The following ACSL1 variants were observed in gnomAD, a reference collection of about 807,000 sequenced individuals.
The protein encoded by ACSL1 is acyl-CoA synthetase long chain family member 1.
In ACSL1, 41 loss-of-function variants were observed where a neutral mutation model predicts 98.4. That is an observed-to-expected ratio of 0.42 (90% CI 0.32 to 0.54). The LOEUF (loss-of-function observed/expected upper bound fraction) is 0.54, where lower values mean the gene tolerates loss of function less well. Among genes scored for constraint, ACSL1 ranks in the 20% least tolerant of loss-of-function variants. The pLI is 0.13. For synonymous variants in ACSL1, 316 were observed against 322.7 expected, an observed-to-expected ratio of 0.98 and a Z score of 0.22; for missense variants, 734 against 883.1, an observed-to-expected ratio of 0.83 and a Z score of 2.14.
intron 10 of ACSL1, among the ~76,000 whole-genome samples, chr4:184,772,229 T>C (rs1764622198): frequency 6.6e-6 from 1 of 152,180 alleles, no homozygotes; most frequent in Non-Finnish European, 1.5e-5. Context: ...TATACATCTT[T>C]AAAAAGGGCA....
rs187315579 is a variant in ACSL1 at position 184,818,811 on chromosome 4, C to T, written c.-33+7105G>A. ...TCATCAAAATATTTAATAGCCAGTA[C>T]GGCCAGACACCAACCAGCCAGAAAA... On this transcript the variant is annotated intron_variant, in intron 1 of 20. Transcript: ENST00000281455. Among the ~76,000 whole-genome samples the T allele has an allele frequency of 1.0e-3, 157 of 152,226 alleles. 1 individual carries two copies. Among genetic ancestry groups the T allele is most frequent in the Admixed American group, 2.2e-3 (33 of 15,280 alleles).
At chr4:184,764,773 AGTG>A in intron 15 of ACSL1, 77 bp downstream of exon 15, 1 of 1,256,938 alleles carries the variant, frequency 8.0e-7, no homozygotes, top group Non-Finnish European at 1.1e-6. Flanking sequence ...TGAACCAGTC[AGTG>A]ATTAACCCAA....
chr4:184,762,373 G>A, intron 17 of ACSL1, 34 bp downstream of exon 17: 1 of 1,541,318 alleles, frequency 6.5e-7, no homozygotes, highest in Non-Finnish European at 9.0e-7. Context: ...CAGTGGAACT[G>A]AACTGTTTGT....
intron 4 of ACSL1, among the ~76,000 whole-genome samples, chr4:184,782,250 C>T (rs866303000): frequency 1.8e-4 from 23 of 130,884 alleles, no homozygotes; most frequent in African/African-American, 5.9e-4. Flanking sequence ...ATTTCTAGAT[C>T]GGTCATACAT....
At position 184,766,153 on chromosome 4, in the gene ACSL1, G is replaced by A. The variant is rs915455309; in HGVS notation, c.1264-167C>T. On this transcript the variant is annotated intron_variant, in intron 13 of 20. Transcript: ENST00000281455. This position sits in a 1 kb window ranked among gnomAD's most constrained non-coding sequence, Gnocchi z 4.8. ...CCTCATGATGGCAGCACAGGGCTAC[G>A]GTTTGTTTCCACCCGTGACTGCCCT... 2.0e-5 allele frequency among the ~76,000 whole-genome samples: 3 copies of A among 152,202 alleles called. No homozygotes were observed. The highest frequency in any genetic ancestry group is 6.5e-5 in the Admixed American group (1 of 15,276).
chr4:184,824,875 G>A (rs1222073060), intron 1 of ACSL1, among the ~76,000 whole-genome samples: 1 of 152,062 alleles, frequency 6.6e-6, no homozygotes, highest in Non-Finnish European at 1.5e-5. Context: ...TGATTTTTTT[G>A]CTAGCAAGAA....
intron 1 of ACSL1, among the ~76,000 whole-genome samples, chr4:184,816,936 T>G (rs1299688958): frequency 1.3e-5 from 2 of 152,088 alleles, no homozygotes; most frequent in Non-Finnish European, 2.9e-5. Context: ...TACTTAATTA[T>G]CATGCAAGAA....
chr4:184,759,761 T>A lies in ACSL1; in HGVS notation c.1782+596A>T, dbSNP rs930129314. On this transcript the variant is annotated intron_variant, in intron 18 of 20. Transcript: ENST00000281455. The stretch of plus-strand genomic sequence containing the variant: ...GGACTGTAAACTAGTTCAACCATTG[T>A]GGAAGTCAGTGTGGCGATTCCTCAG... Among the ~76,000 whole-genome samples, 8 of 152,196 alleles carry A rather than the reference T, an allele frequency of 5.3e-5. 1 individual carries two copies. The highest frequency in any genetic ancestry group is 4.6e-4 in the Admixed American group (7 of 15,280).
At chr4:184,809,416 T>C (rs1771801224) in intron 1 of ACSL1, among the ~76,000 whole-genome samples, 1 of 152,230 alleles carries the variant, frequency 6.6e-6, no homozygotes, top group Non-Finnish European at 1.5e-5. Flanking sequence ...AAATATCTTA[T>C]AGCAGTTTCT....
chr4:184,793,435 C>G (rs72695647), intron 2 of ACSL1, among the ~76,000 whole-genome samples: 4 of 152,296 alleles, frequency 2.6e-5, no homozygotes, highest in Non-Finnish European at 4.4e-5. Flanking sequence ...CTAACAGGAA[C>G]GCGATGGCCA....
At chr4:184,802,688 G>T (rs74551087) in intron 2 of ACSL1, among the ~76,000 whole-genome samples, 2,243 of 152,256 alleles carry the variant, frequency 0.015, 55 homozygotes, top group African/African-American at 0.05. Context: ...CTAATTGCCC[G>T]CATTCCAGTT....
At chr4:184,774,550 G>A (rs1023137097) in intron 7 of ACSL1, among the ~76,000 whole-genome samples, 2 of 152,098 alleles carry the variant, frequency 1.3e-5, no homozygotes, top group African/African-American at 2.4e-5. Context: ...ATTTCCCAGC[G>A]GCAGGCTTCC....
rs78159791 is a variant in ACSL1 at position 184,770,361 on chromosome 4, T to C, written c.993+38A>G. On this transcript the variant is annotated intron_variant, in intron 11 of 20. Coordinates refer to ENST00000281455, the MANE Select transcript of ACSL1 (RefSeq NM_001995.5). ...TAAAACACAACAACTTAGCAGAACA[T>C]ACACAAACAAGCAAGGAAAACAAAA... The C allele has an allele frequency of 0.011, 17,533 of 1,608,472 alleles. 1,600 individuals carry two copies. The African/African-American group carries it at 0.2, about 18-fold the overall frequency.
rs375524934 is a variant in ACSL1 at position 184,757,843 on chromosome 4, C to T, written c.1860G>A (p.Ser620=). Residue 620 remains serine, a synonymous_variant, in exon 19 of 21, where the codon TCG becomes TCA. Coordinates refer to ENST00000281455, the MANE Select transcript of ACSL1 (RefSeq NM_001995.5). The surrounding 1 kb of genome is among the most constrained non-coding windows in gnomAD (Gnocchi z 4.5). ...SWAQKRGFEG[S]FEELCRNKDV... ...CCTTATTTCTGCACAGTTCCTCAAA[C>T]GACCCTTCAAATCCTCTCTTTTGGG... 218 of 1,614,154 alleles carry T rather than the reference C, an allele frequency of 1.4e-4. No homozygotes were observed. Among genetic ancestry groups the T allele is most frequent in the African/African-American group, 5.5e-4 (41 of 75,036 alleles).
At chr4:184,759,396 A>C (rs2150258638) in intron 18 of ACSL1, among the ~76,000 whole-genome samples, 1 of 152,388 alleles carries the variant, frequency 6.6e-6, no homozygotes, top group East Asian at 1.9e-4. Context: ...CAGAGCGAAC[A>C]GGCAACCTAC....
chr4:184,777,006 G>A, intron 5 of ACSL1, 23 bp from the exon 6 acceptor site: 1 of 1,602,048 alleles, frequency 6.2e-7, no homozygotes, highest in Non-Finnish European at 8.6e-7. Context: ...TAAAGGTCAG[G>A]GAGAGAAAAC....
Position 184,757,009 on chromosome 4 carries a change from A to T in ACSL1, c.*116T>A. ...GAGAAGAACCCCGAATGGACAAGTC[A>T]AACACGAACGCTTCCTTCCCTACAC... On this transcript the variant is annotated 3_prime_UTR_variant, in exon 21 of 21. Transcript: ENST00000281455. This position sits in a 1 kb window ranked among gnomAD's most constrained non-coding sequence, Gnocchi z 4.5. 1 of 1,324,014 alleles carries T rather than the reference A, an allele frequency of 7.6e-7. No homozygotes were observed. Among genetic ancestry groups the T allele is most frequent in the Non-Finnish European group, 1.0e-6 (1 of 983,028 alleles). 82.0% of individuals were successfully genotyped at this position (1,324,014 alleles called of 1,614,324 possible).
chr4:184,798,036 C>T (rs535567608), intron 2 of ACSL1, among the ~76,000 whole-genome samples: 3 of 152,176 alleles, frequency 2.0e-5, no homozygotes, highest in South Asian at 2.1e-4. Context: ...AAAGGGCCAC[C>T]GGCCAGCATG....
At chr4:184,817,989 T>C (rs923914358) in intron 1 of ACSL1, among the ~76,000 whole-genome samples, 2 of 152,110 alleles carry the variant, frequency 1.3e-5, no homozygotes, top group African/African-American at 2.4e-5. Context: ...CTGACTCACA[T>C]CAGGAGAGAA....
Sources: gnomAD v4.1 joint callset for allele counts (sites outside exome capture counted in the v4.1 genomes callset) on GRCh38, gnomAD v4.1.1 for gene constraint, Gnocchi (gnomAD v3.1) non-coding constraint, MANE v1.5 for transcripts, NCBI Gene and HGNC (gene_info 2026-07-23, HGNC 2026-07-21) for gene names.